LAT2: variants seen among roughly 807,000 people sequenced by gnomAD.
LAT2 encodes linker for activation of T-cells family member 2.
LAT2 carries 23 observed loss-of-function variants against 43.4 expected under a neutral mutation model. The ratio of observed to expected loss-of-function variants is 0.53; its 90% CI spans 0.38 to 0.75. The LOEUF (loss-of-function observed/expected upper bound fraction) is 0.75, where lower values mean the gene tolerates loss of function less well. LAT2 is among the 30% of genes least tolerant of loss of function. The pLI is 0.00. For synonymous variants in LAT2, 128 were observed against 123.2 expected (o/e 1.04, Z -0.26); for missense variants, 284 against 310.2 (o/e 0.92, Z 0.64).
In LAT2 at chr7:74,220,285, G is replaced by A; in HGVS notation, c.265+31G>A. 1 of 1,599,478 alleles carries A rather than the reference G, an allele frequency of 6.3e-7. No homozygotes were observed. Among genetic ancestry groups the A allele is most frequent in the Non-Finnish European group, 8.5e-7 (1 of 1,171,604 alleles). On this transcript the variant is annotated intron_variant, in intron 7 of 13. Coordinates refer to ENST00000460943, the MANE Select transcript of LAT2 (RefSeq NM_032464.3). The surrounding 1 kb of genome is among the most constrained non-coding windows in gnomAD (Gnocchi z 4.5). ...TGGCACAGGGCAGGGACAGGGACAGGCCTAGCCAAGCTGGGACTAAGACAG... is the reference window on the plus strand; with the variant it reads ...TGGCACAGGGCAGGGACAGGGACAGACCTAGCCAAGCTGGGACTAAGACAG...
intron 10 of LAT2, among the ~76,000 whole-genome samples, chr7:74,222,667 G>A (rs186064204): frequency 2.3e-4 from 35 of 151,912 alleles, no homozygotes; most frequent in Admixed American, 1.8e-3. Flanking sequence ...TCCGCCTCCC[G>A]GGTTCAAGCG....
In LAT2 at chr7:74,220,693, TC is replaced by T. The variant is rs781905565; in HGVS notation, c.302-9del. On this transcript the variant is annotated splice_polypyrimidine_tract_variant and intron_variant, in intron 8 of 13. Transcript: ENST00000460943. The surrounding 1 kb of genome is among the most constrained non-coding windows in gnomAD (Gnocchi z 4.5). ...CAGGGGCTCAGGCCCAATTCTCGCC[TC>T]CTCCCGCAGGAAGCAGACACGGGTC... 6 of 1,609,724 alleles carry T rather than the reference TC, an allele frequency of 3.7e-6. No individual in the cohort carries two copies. The highest frequency in any genetic ancestry group is 5.1e-6 in the Non-Finnish European group (6 of 1,176,654).
At chr7:74,214,737 A>G (rs1450665717) in intron 1 of LAT2, 85 bp from the exon 2 acceptor site, 14 of 102,670 alleles carry the variant, frequency 1.4e-4, no homozygotes, top group African/African-American at 6.2e-4. Context: ...AAATATATAT[A>G]AAAATATATA....
Position 74,221,684 on chromosome 7 carries a change from C to A in LAT2, c.380C>A (p.Pro127His), listed in dbSNP as rs781848433. ...EYYNWGRFSK[P>H]PEDDDANSYE... ...TACAACTGGGGGCGGTTCTCGAAGC[C>A]CCCAGAAGGTGAGGCGAAGGACAAA... is the stretch of plus-strand genomic sequence containing the variant. The change falls in exon 10 of 14, where the codon CCC (proline) becomes CAC (histidine). Residue 127 changes from proline (P) to histidine (H), a missense_variant. Coordinates refer to ENST00000460943, the MANE Select transcript of LAT2 (RefSeq NM_032464.3). The A allele has an allele frequency of 6.2e-7, 1 of 1,612,764 alleles. No homozygotes were observed. Among genetic ancestry groups the A allele is most frequent in the African/African-American group, 1.3e-5 (1 of 74,780 alleles).
rs782072421 is a variant in LAT2, at chr7:74,216,786, GCTC to G, written c.95-37_95-35del. On this transcript the variant is annotated intron_variant, in intron 3 of 13. Transcript: ENST00000460943. Reference sequence around the variant, plus strand: ...GGGTGTCTGACCTCAGGTCGCAGCTGCTCCCAGACCCTTTGCTAATCCTGGCCT... The same window carrying G: ...GGGTGTCTGACCTCAGGTCGCAGCTGCCAGACCCTTTGCTAATCCTGGCCT... 3.1e-5 allele frequency: 49 copies of G among 1,605,116 alleles called. 2 individuals are homozygous for G. The East Asian group carries it at 3.1e-4, about 10-fold the overall frequency.
intron 1 of LAT2, among the ~76,000 whole-genome samples, chr7:74,213,168 G>C (rs1355410366): frequency 6.6e-6 from 1 of 152,200 alleles, no homozygotes; most frequent in South Asian, 2.1e-4. Context: ...AGGCTGGATG[G>C]AGTGCAGTGG....
intron 3 of LAT2, 84 bp from the exon 4 acceptor site, chr7:74,216,740 CT>C (rs1296575632): frequency 8.6e-7 from 1 of 1,162,092 alleles, no homozygotes; most frequent in East Asian, 2.4e-5. Flanking sequence ...CTGAGTCCTG[CT>C]GGAGACAAGA....
intron 2 of LAT2, among the ~76,000 whole-genome samples, chr7:74,215,728 A>T (rs1802014216): frequency 6.6e-6 from 1 of 152,158 alleles, no homozygotes; most frequent in African/African-American, 2.4e-5. Flanking sequence ...ACCTTCCAGC[A>T]CTTATCAAGG....
intron 4 of LAT2, 150 bp from the exon 5 acceptor site, chr7:74,219,594 G>C: frequency 1.1e-6 from 1 of 935,442 alleles, no homozygotes; most frequent in Non-Finnish European, 1.7e-6. Context: ...GTGAGAATGA[G>C]GCCTGAAAGG....
chr7:74,221,386 G>A (rs1802268691), intron 9 of LAT2, among the ~76,000 whole-genome samples: 1 of 133,726 alleles, frequency 7.5e-6, no homozygotes, highest in South Asian at 2.5e-4. Flanking sequence ...CTGTACTCCA[G>A]CCTGGGTGAC....
chr7:74,228,512 G>A (rs745809915), intron 13 of LAT2, among the ~76,000 whole-genome samples: 14 of 148,028 alleles, frequency 9.5e-5, no homozygotes, highest in Non-Finnish European at 1.5e-4. Flanking sequence ...TGGGCCAGGC[G>A]TGGTGGCTCA....
intron 1 of LAT2, among the ~76,000 whole-genome samples, chr7:74,212,497 G>C (rs1554713290): frequency 6.6e-6 from 1 of 151,786 alleles, no homozygotes; most frequent in Admixed American, 6.6e-5. Flanking sequence ...GGCCAAGCTG[G>C]TCTCAAACTC....
At chr7:74,214,251 T>G (rs868968398) in intron 1 of LAT2, among the ~76,000 whole-genome samples, 2 of 76,620 alleles carry the variant, frequency 2.6e-5, no homozygotes, top group East Asian at 8.1e-4. Context: ...AATATATATA[T>G]AAATATATAT....
chr7:74,220,097 C>G lies in LAT2; in HGVS notation c.227+89C>G. 6.4e-7 allele frequency: 1 copy of G among 1,566,038 alleles called. No individual in the cohort carries two copies. Among genetic ancestry groups the G allele is most frequent in the Non-Finnish European group, 8.7e-7 (1 of 1,146,808 alleles). ...CCAGGTCAAGACCTCCCTCCCTCCC[C>G]GAGTCCCAGAGCTCCAGGGCTCAGC... On this transcript the variant is annotated intron_variant, in intron 6 of 13. Transcript: ENST00000460943. This position sits in a 1 kb window ranked among gnomAD's most constrained non-coding sequence, Gnocchi z 4.5.
chr7:74,213,715 G>A (rs745463979), intron 1 of LAT2, among the ~76,000 whole-genome samples: 12 of 152,196 alleles, frequency 7.9e-5, no homozygotes, highest in Admixed American at 1.3e-4. Flanking sequence ...GAGCCACCAC[G>A]CCCTGCTGGA....
Position 74,220,021 on chromosome 7 carries a change from C to T in LAT2, c.227+13C>T, listed in dbSNP as rs1203941920. On this transcript the variant is annotated intron_variant, in intron 6 of 13. Transcript: ENST00000460943. The surrounding 1 kb of genome is among the most constrained non-coding windows in gnomAD (Gnocchi z 4.5). ...TGGCACCCACAAGGTAGGTCACAGT[C>T]CCCCAGGAAGTGACAAGAATGAAAG... is the stretch of plus-strand genomic sequence containing the variant. The T allele has an allele frequency of 6.2e-7, 1 of 1,613,266 alleles. No individual in the cohort carries two copies. The highest frequency in any genetic ancestry group is 1.7e-5 in the Admixed American group (1 of 59,920).
At chr7:74,217,971 C>T (rs554359032) in intron 4 of LAT2, among the ~76,000 whole-genome samples, 3 of 152,304 alleles carry the variant, frequency 2.0e-5, no homozygotes, top group Admixed American at 6.5e-5. Flanking sequence ...TTTCTGGCCA[C>T]GTGGCTTTCT....
At position 74,220,384 on chromosome 7, in the gene LAT2, A is replaced by G; in HGVS notation, c.265+130A>G. The G allele has an allele frequency of 7.9e-7, 1 of 1,270,330 alleles. No homozygotes were observed. Among genetic ancestry groups the G allele is most frequent in the Non-Finnish European group, 1.1e-6 (1 of 892,398 alleles). 78.7% of individuals were successfully genotyped at this position (1,270,330 alleles called of 1,614,324 possible). A position where few individuals can be genotyped will look rare whatever the true frequency, so the allele number is the denominator to read the frequency against. ...GGCGAGGCCTCCCCAGGAGAGACAC[A>G]CAGGCTGGGGCAGGGCAGGCTCCTG... On this transcript the variant is annotated intron_variant, in intron 7 of 13. Coordinates refer to ENST00000460943, the MANE Select transcript of LAT2 (RefSeq NM_032464.3). The surrounding 1 kb of genome is among the most constrained non-coding windows in gnomAD (Gnocchi z 4.5).
intron 4 of LAT2, among the ~76,000 whole-genome samples, chr7:74,218,356 TTGGAAGGCTGGGCCAGGTACCCATTC>T (rs1554714531): frequency 6.6e-6 from 1 of 152,176 alleles, no homozygotes; most frequent in African/African-American, 2.4e-5. Flanking sequence ...TTCAAGGAGC[TTGGAAGGCTGGGCCAGGTACCCATTC>T]TGGTTCAGAG....
Sources: allele counts gnomAD v4.1 joint callset (sites outside exome capture counted in the v4.1 genomes callset), GRCh38; gene constraint gnomAD v4.1.1; non-coding constraint Gnocchi (gnomAD v3.1); transcripts MANE v1.5; gene names NCBI Gene and HGNC (gene_info 2026-07-23, HGNC 2026-07-21).